Variants in PDS5A observed in about 807,000 individuals in gnomAD.
PDS5A encodes the protein PDS5 cohesin associated factor A.
In PDS5A, 42 loss-of-function variants were observed where a neutral mutation model predicts 167.1. That is an observed-to-expected ratio of 0.25 (90% confidence interval 0.20 to 0.33). PDS5A has a LOEUF of 0.33. Ranked by LOEUF, PDS5A falls within the 10% of genes least tolerant of loss-of-function variation. PDS5A has a pLI of 1.00. For synonymous variants in PDS5A, 553 were observed against 554.6 expected, an observed-to-expected ratio of 1.00 and a Z score of 0.04; for missense variants, 1,033 against 1,605.9, an observed-to-expected ratio of 0.64 and a Z score of 6.10.
intron 7 of PDS5A, among the ~76,000 whole-genome samples, chr4:39,918,141 T>C (rs1206284988): frequency 1.4e-5 from 2 of 145,462 alleles, no homozygotes; most frequent in Non-Finnish European, 3.0e-5. Flanking sequence ...GATCACACCA[T>C]TGCACTCCTC....
chr4:39,834,519 T>A (rs1223684016), intron 32 of PDS5A, among the ~76,000 whole-genome samples: 2 of 152,222 alleles, frequency 1.3e-5, no homozygotes, highest in Admixed American at 6.5e-5. Flanking sequence ...CTTACAGTAC[T>A]GATTTGGCTC....
At chr4:39,859,685 A>G (rs1718824106) in intron 26 of PDS5A, among the ~76,000 whole-genome samples, 1 of 152,048 alleles carries the variant, frequency 6.6e-6, no homozygotes, top group Non-Finnish European at 1.5e-5. Flanking sequence ...TCAGAACACC[A>G]CTCGCACACA....
intron 17 of PDS5A, among the ~76,000 whole-genome samples, chr4:39,880,823 C>T (rs1720865629): frequency 2.0e-5 from 3 of 152,062 alleles, no homozygotes; most frequent in Admixed American, 2.0e-4. Context: ...ATTGTCCTAG[C>T]TATTTGAAAC....
At chr4:39,873,783 T>G (rs1720247568) in intron 20 of PDS5A, among the ~76,000 whole-genome samples, 1 of 152,136 alleles carries the variant, frequency 6.6e-6, no homozygotes, top group African/African-American at 2.4e-5. Flanking sequence ...GTGGCTCATG[T>G]GTGTAATCCT....
At chr4:39,914,051 C>T (rs1440916760) in intron 8 of PDS5A, among the ~76,000 whole-genome samples, 1 of 151,944 alleles carries the variant, frequency 6.6e-6, no homozygotes, top group Non-Finnish European at 1.5e-5. Context: ...ATAAAAACAT[C>T]TATGAAGGAC....
intron 32 of PDS5A, among the ~76,000 whole-genome samples, chr4:39,833,077 G>T (rs1394941086): frequency 1.4e-5 from 2 of 146,488 alleles, no homozygotes; most frequent in African/African-American, 5.0e-5. Flanking sequence ...TGTAATCCCA[G>T]ATACTAGGGA....
chr4:39,905,799 A>T (rs1723283415), intron 11 of PDS5A, among the ~76,000 whole-genome samples: 1 of 151,896 alleles, frequency 6.6e-6, no homozygotes, highest in Admixed American at 6.6e-5. Flanking sequence ...GAAGATAGGG[A>T]GAGAGGCAGG....
rs745775453 is a variant in PDS5A, at chr4:39,902,474, A to T, written c.1386-14T>A. 1 of 1,310,844 alleles carries T rather than the reference A, an allele frequency of 7.6e-7. No homozygotes were observed. The highest frequency in any genetic ancestry group is 1.3e-5 in the South Asian group (1 of 76,284). The allele number at this position is 1,310,844 out of a possible 1,614,324, so 81.2% of individuals were successfully genotyped here. A position where few individuals can be genotyped will look rare whatever the true frequency, so the allele number is the denominator to read the frequency against. On this transcript the variant is annotated splice_polypyrimidine_tract_variant and intron_variant, in intron 12 of 32. Transcript: ENST00000303538. ...TCTACCAACAGTCTAGGAAATAACA[A>T]CAACAAAAAAAACCTAAGTGACACA...
At chr4:39,923,260 G>C (rs1460263843) in intron 5 of PDS5A, among the ~76,000 whole-genome samples, 1 of 150,304 alleles carries the variant, frequency 6.7e-6, no homozygotes, top group Non-Finnish European at 1.5e-5. Context: ...ACTGGGAGGC[G>C]GAGTTTGCAG....
chr4:39,934,321 T>C (rs1445875718), intron 2 of PDS5A, among the ~76,000 whole-genome samples: 4 of 152,228 alleles, frequency 2.6e-5, no homozygotes, highest in East Asian at 3.8e-4. Flanking sequence ...ACTTTTTAAA[T>C]AGCAAGTTCC....
chr4:39,881,551 A>C (rs891080470), intron 17 of PDS5A, among the ~76,000 whole-genome samples: 1 of 152,184 alleles, frequency 6.6e-6, no homozygotes, highest in Admixed American at 6.5e-5. Context: ...CATTAACTTA[A>C]AGTATAATAT....
intron 16 of PDS5A, among the ~76,000 whole-genome samples, chr4:39,895,667 C>A (rs149273332): frequency 3.9e-5 from 6 of 152,216 alleles, no homozygotes; most frequent in African/African-American, 1.4e-4. Flanking sequence ...GATAAATTAT[C>A]CTTAGCTTTT....
At chr4:39,972,303 C>T (rs182294209) in intron 2 of PDS5A, among the ~76,000 whole-genome samples, 30 of 152,198 alleles carry the variant, frequency 2.0e-4, no homozygotes, top group Non-Finnish European at 2.9e-4. Context: ...GGGCGGATCA[C>T]GAGGTCAAGA....
chr4:39,829,677 C>A (rs1265763076), intron 32 of PDS5A, among the ~76,000 whole-genome samples: 1 of 149,694 alleles, frequency 6.7e-6, no homozygotes, highest in East Asian at 2.0e-4. Flanking sequence ...TCCGGCCAGG[C>A]GCGGTGGCTC....
chr4:39,900,174 TATAA>T (rs1722757931), intron 14 of PDS5A, among the ~76,000 whole-genome samples: 1 of 152,212 alleles, frequency 6.6e-6, no homozygotes, highest in South Asian at 2.1e-4. Flanking sequence ...ATTGATTAAC[TATAA>T]ACTCTTAGTG....
intron 17 of PDS5A, among the ~76,000 whole-genome samples, chr4:39,880,090 T>G (rs1350188510): frequency 6.6e-6 from 1 of 152,154 alleles, no homozygotes; most frequent in East Asian, 1.9e-4. Flanking sequence ...TCTGGTAATA[T>G]ATTCACATAA....
chr4:39,923,839 A>G (rs1022519728), intron 5 of PDS5A, among the ~76,000 whole-genome samples: 10 of 152,164 alleles, frequency 6.6e-5, no homozygotes, highest in Non-Finnish European at 1.2e-4. Context: ...ATAAAAACCT[A>G]TTTAAACACC....
intron 14 of PDS5A, 37 bp from the exon 15 acceptor site, chr4:39,898,862 A>G (rs1219297280): frequency 2.2e-6 from 3 of 1,386,762 alleles, no homozygotes; most frequent in Non-Finnish European, 2.0e-6. Context: ...ACAACTAGTC[A>G]TATGTGTTAA....
chr4:39,944,704 A>C (rs958712317), intron 2 of PDS5A, among the ~76,000 whole-genome samples: 5 of 151,774 alleles, frequency 3.3e-5, no homozygotes, highest in African/African-American at 1.2e-4. Context: ...CAAAAAAAAA[A>C]AAAAAAACAA....
Sources: gnomAD v4.1 joint callset for allele counts (sites outside exome capture counted in the v4.1 genomes callset) on GRCh38, gnomAD v4.1.1 for gene constraint, MANE v1.5 for transcripts, NCBI Gene and HGNC (gene_info 2026-07-23, HGNC 2026-07-21) for gene names.